Variants in APBB2 observed in about 807,000 individuals in gnomAD.
The protein encoded by APBB2 is Fe65-like 1.
In APBB2, 38 loss-of-function variants were observed where a neutral mutation model predicts 82.5. That is an observed-to-expected ratio of 0.46 (90% confidence interval 0.36 to 0.60). APBB2 has a LOEUF of 0.60. Among genes scored for constraint, APBB2 ranks in the 20% least tolerant of loss-of-function variants. The pLI is 0.00. For missense variants in APBB2, 772 were observed against 972.3 expected, an observed-to-expected ratio of 0.79 and a Z score of 2.74; for synonymous variants, 341 against 368.2, an observed-to-expected ratio of 0.93 and a Z score of 0.85.
intron 5 of APBB2, among the ~76,000 whole-genome samples, chr4:41,017,456 G>C (rs1213061882): frequency 6.6e-6 from 1 of 152,196 alleles, no homozygotes; most frequent in Non-Finnish European, 1.5e-5. Context: ...CCCCAAGGGA[G>C]AGGAAATGCT....
At chr4:41,205,966 C>T (rs1330373583) in intron 1 of APBB2, among the ~76,000 whole-genome samples, 1 of 152,146 alleles carries the variant, frequency 6.6e-6, no homozygotes, top group African/African-American at 2.4e-5. Context: ...CCTTCTAGGG[C>T]TATCCTTGCA....
At chr4:40,819,176 CT>C (rs1188181954) in intron 17 of APBB2, among the ~76,000 whole-genome samples, 13 of 135,226 alleles carry the variant, frequency 9.6e-5, no homozygotes, top group Admixed American at 4.0e-4. Flanking sequence ...CCTTGGCTCT[CT>C]TTTTTTTTTT....
intron 10 of APBB2, among the ~76,000 whole-genome samples, chr4:40,913,342 T>G (rs1263796344): frequency 6.6e-6 from 1 of 152,206 alleles, no homozygotes; most frequent in African/African-American, 2.4e-5. Flanking sequence ...TTAACAACTG[T>G]TTGCCGTAAG....
At chr4:41,185,260 C>T (rs570447769) in intron 1 of APBB2, among the ~76,000 whole-genome samples, 26 of 152,300 alleles carry the variant, frequency 1.7e-4, no homozygotes, top group Non-Finnish European at 3.4e-4. Flanking sequence ...CACAGCATTA[C>T]AATGAAGCTG....
At chr4:41,140,580 T>A (rs1758828973) in intron 2 of APBB2, among the ~76,000 whole-genome samples, 1 of 152,158 alleles carries the variant, frequency 6.6e-6, no homozygotes, top group Non-Finnish European at 1.5e-5. Context: ...ATCTGGCCTA[T>A]CCCCTACACC....
chr4:40,927,011 A>G (rs1409020516), intron 10 of APBB2, among the ~76,000 whole-genome samples: 1 of 152,230 alleles, frequency 6.6e-6, no homozygotes, highest in Non-Finnish European at 1.5e-5. Flanking sequence ...TTCCTTCTCC[A>G]GACTTAAATA....
chr4:41,079,029 G>A (rs1475235713), intron 3 of APBB2, among the ~76,000 whole-genome samples: 1 of 152,174 alleles, frequency 6.6e-6, no homozygotes, highest in Non-Finnish European at 1.5e-5. Flanking sequence ...AATTACCATG[G>A]GTGAGGGCAA....
chr4:41,104,342 T>TA (rs1746423198), intron 2 of APBB2, among the ~76,000 whole-genome samples: 1 of 152,192 alleles, frequency 6.6e-6, no homozygotes, highest in African/African-American at 2.4e-5. Flanking sequence ...CACACACTGA[T>TA]ATCACATTAA....
intron 12 of APBB2, among the ~76,000 whole-genome samples, chr4:40,872,666 C>T (rs148691400): frequency 1.7e-3 from 263 of 152,188 alleles, no homozygotes; most frequent in Middle Eastern, 6.8e-3. Flanking sequence ...AGGAATTCTA[C>T]GGCTTGACAT....
intron 4 of APBB2, among the ~76,000 whole-genome samples, chr4:41,034,311 T>C (rs749255417): frequency 8.5e-5 from 13 of 152,080 alleles, no homozygotes; most frequent in Admixed American, 2.0e-4. Flanking sequence ...CAAGAGCCTA[T>C]ATAAAAGGGG....
At chr4:41,024,507 C>A (rs1713138861) in intron 5 of APBB2, among the ~76,000 whole-genome samples, 1 of 152,176 alleles carries the variant, frequency 6.6e-6, no homozygotes, top group African/African-American at 2.4e-5. Context: ...AAGAGAAAAA[C>A]AAGCCTTCTA....
chr4:41,030,815 G>A (rs1202744216), intron 5 of APBB2, among the ~76,000 whole-genome samples: 1 of 152,184 alleles, frequency 6.6e-6, no homozygotes, highest in African/African-American at 2.4e-5. Context: ...ACAATAACAG[G>A]ATCCTTAAAA....
chr4:40,907,840 T>G (rs942664219), intron 10 of APBB2, among the ~76,000 whole-genome samples: 2 of 145,398 alleles, frequency 1.4e-5, no homozygotes, highest in South Asian at 2.2e-4. Context: ...AAAAGGTGGG[T>G]TTTTTTTTTG....
chr4:41,039,892 C>G (rs565539896), intron 4 of APBB2, among the ~76,000 whole-genome samples: 1 of 151,446 alleles, frequency 6.6e-6, no homozygotes, highest in African/African-American at 2.4e-5. Context: ...TTTTCTCACC[C>G]ATACTTGTTT....
intron 6 of APBB2, among the ~76,000 whole-genome samples, chr4:40,973,009 T>C (rs1358358483): frequency 6.6e-6 from 1 of 152,244 alleles, no homozygotes; most frequent in Non-Finnish European, 1.5e-5. Flanking sequence ...GTATGTACAA[T>C]AAACACTGTC....
At chr4:40,881,528 CTTTTTCT>C (rs1553952937) in intron 12 of APBB2, 5 of 154,906 alleles carry the variant, frequency 3.2e-5, no homozygotes, top group East Asian at 3.3e-4. Context: ...CTTTTCTTTT[CTTTTTCT>C]TTTTTTTTTT....
intron 1 of APBB2, among the ~76,000 whole-genome samples, chr4:41,199,654 C>G (rs1185974959): frequency 6.6e-6 from 1 of 152,254 alleles, no homozygotes; most frequent in East Asian, 1.9e-4. Flanking sequence ...GGATCTACAG[C>G]TAACAGTTTA....
intron 7 of APBB2, among the ~76,000 whole-genome samples, chr4:40,938,264 T>C (rs149626072): frequency 6.6e-6 from 1 of 152,292 alleles, no homozygotes; most frequent in African/African-American, 2.4e-5. Flanking sequence ...TCCCTTTCTC[T>C]GATTACTTGA....
intron 1 of APBB2, among the ~76,000 whole-genome samples, chr4:41,154,665 C>T (rs962491973): frequency 1.3e-5 from 2 of 152,138 alleles, no homozygotes; most frequent in Non-Finnish European, 2.9e-5. Flanking sequence ...ATTGTGTAAC[C>T]TAGACCACAG....
Sources: gnomAD v4.1 joint callset for allele counts (sites outside exome capture counted in the v4.1 genomes callset) on GRCh38, gnomAD v4.1.1 for gene constraint, MANE v1.5 for transcripts, NCBI Gene and HGNC (gene_info 2026-07-23, HGNC 2026-07-21) for gene names.